Variants in UBE2N observed in about 807,000 individuals in gnomAD.
The protein encoded by UBE2N is ubiquitin-conjugating enzyme E2 N.
For missense variants in UBE2N, 60 were observed against 192.1 expected (o/e 0.31, Z 4.07); for synonymous variants, 70 against 69.2 (o/e 1.01, Z -0.06).
chr12:93,422,797 G>A (rs914970235), intron 1 of UBE2N, among the ~76,000 whole-genome samples: 3 of 151,296 alleles, frequency 2.0e-5, no homozygotes, highest in Admixed American at 1.3e-4. Context: ...TGTAATTTTA[G>A]TCATTTGTCT....
intron 1 of UBE2N, among the ~76,000 whole-genome samples, chr12:93,426,859 T>G (rs900998331): frequency 3.8e-4 from 58 of 151,938 alleles, no homozygotes; most frequent in Non-Finnish European, 6.6e-4. Context: ...CTCTCATGGG[T>G]GCATCAGCAG....
At chr12:93,441,708 C>T (rs1879119922) in intron 1 of UBE2N, 147 bp downstream of exon 1, 1 of 1,110,360 alleles carries the variant, frequency 9.0e-7, no homozygotes, top group East Asian at 3.2e-5. Context: ...CACCCGACTT[C>T]CCTCGCCGCC....
At chr12:93,419,458 T>C (rs1878336764) in intron 1 of UBE2N, among the ~76,000 whole-genome samples, 1 of 152,108 alleles carries the variant, frequency 6.6e-6, no homozygotes, top group Admixed American at 6.5e-5. Context: ...TAACAACAGT[T>C]GCTGTTTGCT....
intron 1 of UBE2N, among the ~76,000 whole-genome samples, chr12:93,434,656 T>C (rs951556953): frequency 1.4e-4 from 22 of 152,160 alleles, no homozygotes; most frequent in African/African-American, 5.1e-4. Flanking sequence ...ATGGAGCACA[T>C]GGAGACCTAG....
At chr12:93,440,374 C>A (rs562769268) in intron 1 of UBE2N, among the ~76,000 whole-genome samples, 1 of 152,306 alleles carries the variant, frequency 6.6e-6, no homozygotes, top group East Asian at 1.9e-4. Flanking sequence ...AAATTTCGGA[C>A]TATGAAGATT....
At chr12:93,416,857 C>CAAAAAA (rs4020452) in intron 1 of UBE2N, among the ~76,000 whole-genome samples, 1,724 of 88,244 alleles carry the variant, frequency 0.02, 20 homozygotes, top group Non-Finnish European at 0.032. Flanking sequence ...CCATCACTAC[C>CAAAAAA]AAAAAAAAAA....
intron 1 of UBE2N, among the ~76,000 whole-genome samples, chr12:93,431,214 G>A (rs1024675538): frequency 6.6e-6 from 1 of 152,190 alleles, no homozygotes; most frequent in Middle Eastern, 3.4e-3. Context: ...GGCAACAAGA[G>A]CAAAACTCCG....
At chr12:93,411,356 A>C in intron 1 of UBE2N, 57 bp from the exon 2 acceptor site, 2 of 1,537,454 alleles carry the variant, frequency 1.3e-6, no homozygotes, top group Non-Finnish European at 1.7e-6. Context: ...TAGACACCAA[A>C]AGTAAAATTA....
At chr12:93,427,343 TA>T (rs1878626954) in intron 1 of UBE2N, among the ~76,000 whole-genome samples, 1 of 152,236 alleles carries the variant, frequency 6.6e-6, no homozygotes, top group Non-Finnish European at 1.5e-5. Context: ...ACCTATCTCC[TA>T]AAAATTCTAC....
At chr12:93,434,925 A>T (rs1478569816) in intron 1 of UBE2N, among the ~76,000 whole-genome samples, 1 of 150,754 alleles carries the variant, frequency 6.6e-6, no homozygotes, top group Non-Finnish European at 1.5e-5. Flanking sequence ...TATTTAAGAG[A>T]CAGGGTCTTG....
At chr12:93,413,941 C>T (rs1368795238) in intron 1 of UBE2N, among the ~76,000 whole-genome samples, 1 of 152,186 alleles carries the variant, frequency 6.6e-6, no homozygotes, top group Non-Finnish European at 1.5e-5. Flanking sequence ...GCGGGTGGAT[C>T]ACCTCAGGTC....
At position 93,439,643 on chromosome 12, in the gene UBE2N, T is replaced by C. The variant is rs374077623; in HGVS notation, c.30+2212A>G. 2.4e-3 allele frequency among the ~76,000 whole-genome samples: 368 copies of C among 152,306 alleles called. 2 individuals carry two copies. Among genetic ancestry groups the C allele is most frequent in the Non-Finnish European group, 4.5e-3 (303 of 68,028 alleles). On this transcript the variant is annotated intron_variant, in intron 1 of 3. Transcript: ENST00000318066. ...GTGATTGACAGAAAAGAGGCAACTT[T>C]TAAAAATAAATTCTGATTTTTTTTA...
intron 1 of UBE2N, among the ~76,000 whole-genome samples, chr12:93,436,459 A>G (rs1255722867): frequency 2.0e-5 from 3 of 152,222 alleles, no homozygotes; most frequent in African/African-American, 7.2e-5. Flanking sequence ...GTATCAACGT[A>G]ACATGTAAAG....
chr12:93,433,798 A>G (rs2121095358), intron 1 of UBE2N, among the ~76,000 whole-genome samples: 1 of 152,350 alleles, frequency 6.6e-6, no homozygotes, highest in South Asian at 2.1e-4. Flanking sequence ...GTTCATTATA[A>G]CAGAAAACAT....
intron 1 of UBE2N, among the ~76,000 whole-genome samples, chr12:93,412,935 T>G (rs934533990): frequency 4.6e-5 from 7 of 152,232 alleles, no homozygotes; most frequent in African/African-American, 1.7e-4. Flanking sequence ...TATTTAAGAA[T>G]GTTTGCACAG....
chr12:93,416,971 G>A (rs1042617865), intron 1 of UBE2N, among the ~76,000 whole-genome samples: 1 of 151,504 alleles, frequency 6.6e-6, no homozygotes, highest in Non-Finnish European at 1.5e-5. Context: ...ATGTTTAAAA[G>A]CAGTCCAAGG....
At position 93,408,593 on chromosome 12, in the gene UBE2N, G is replaced by C. The variant is rs118054246; in HGVS notation, c.*1446C>G. 6 of 152,252 alleles carry C rather than the reference G, an allele frequency of 3.9e-5. No homozygotes were observed. The East Asian group carries it at 9.6e-4, about 24-fold the overall frequency. The allele number at this position is 152,252 out of a possible 1,614,324, so 9.4% of individuals were successfully genotyped here. A position where few individuals can be genotyped will look rare whatever the true frequency, so the allele number is the denominator to read the frequency against. ...TACATTTATGACTTAAAAATAACAA[G>C]AATCAGGAATTAGATATGGAGAGAG... On this transcript the variant is annotated 3_prime_UTR_variant, in exon 4 of 4. Transcript: ENST00000318066.
At chr12:93,433,806 CAT>C (rs1314854062) in intron 1 of UBE2N, among the ~76,000 whole-genome samples, 1 of 152,154 alleles carries the variant, frequency 6.6e-6, no homozygotes, top group African/African-American at 2.4e-5. Context: ...TAACAGAAAA[CAT>C]AATGTGTGTT....
rs1877928253 is a variant in UBE2N, at chr12:93,408,382, G to T, written c.*1657C>A. On this transcript the variant is annotated 3_prime_UTR_variant, in exon 4 of 4. Coordinates refer to ENST00000318066, the MANE Select transcript of UBE2N (RefSeq NM_003348.4). ...TCAAAAGCTTTTGTATGTTGAAAAT[G>T]TAATTTTAATAGTTAATTCTTCATC... 6.6e-6 allele frequency: 1 copy of T among 152,142 alleles called. No individual in the cohort carries two copies. The highest frequency in any genetic ancestry group is 2.4e-5 in the African/African-American group (1 of 41,430). The allele number at this position is 152,142 out of a possible 1,614,324, so 9.4% of individuals were successfully genotyped here. A position where few individuals can be genotyped will look rare whatever the true frequency, so the allele number is the denominator to read the frequency against.
Sources: gnomAD v4.1 joint callset for allele counts (sites outside exome capture counted in the v4.1 genomes callset) on GRCh38, gnomAD v4.1.1 for gene constraint, MANE v1.5 for transcripts, NCBI Gene and HGNC (gene_info 2026-07-23, HGNC 2026-07-21) for gene names.